The following DLG2 variants were observed in gnomAD, a reference collection of about 807,000 sequenced individuals.
DLG2 encodes discs large MAGUK scaffold protein 2.
In DLG2, 45 loss-of-function variants were observed where a neutral mutation model predicts 132.5. The ratio of observed to expected loss-of-function variants is 0.34; its 90% confidence interval spans 0.27 to 0.44. DLG2 has a LOEUF of 0.44. DLG2 is among the 20% of genes least tolerant of loss of function. The pLI, the probability that DLG2 is intolerant of heterozygous loss-of-function variation, is 1.00. For synonymous variants in DLG2, 424 were observed against 419.6 expected, an observed-to-expected ratio of 1.01 and a Z score of -0.13; for missense variants, 1,045 against 1,196.9, an observed-to-expected ratio of 0.87 and a Z score of 1.87.
At chr11:83,554,810 A>G (rs2096482910) in intron 19 of DLG2, among the ~76,000 whole-genome samples, 1 of 152,200 alleles carries the variant, frequency 6.6e-6, no homozygotes, top group African/African-American at 2.4e-5. Flanking sequence ...CTGCTCTGAA[A>G]ATAGTCAATA....
At chr11:85,541,002 A>G (rs1479004715) in intron 3 of DLG2, among the ~76,000 whole-genome samples, 9 of 152,246 alleles carry the variant, frequency 5.9e-5, no homozygotes, top group Admixed American at 5.9e-4. Flanking sequence ...TCCCTGGAAC[A>G]CTTCCCAGGA....
chr11:84,440,717 G>A (rs1278801729), intron 7 of DLG2, among the ~76,000 whole-genome samples: 2 of 152,100 alleles, frequency 1.3e-5, no homozygotes, highest in African/African-American at 2.4e-5. Context: ...AAACCTACCA[G>A]TGCAGCTGAG....
intron 15 of DLG2, among the ~76,000 whole-genome samples, chr11:83,925,855 C>T (rs2078878066): frequency 6.6e-6 from 1 of 152,072 alleles, no homozygotes; most frequent in South Asian, 2.1e-4. Flanking sequence ...AGCTGAAAAA[C>T]TTACTCTCCC....
intron 6 of DLG2, among the ~76,000 whole-genome samples, chr11:84,774,724 A>G (rs975157963): frequency 6.6e-6 from 1 of 152,168 alleles, no homozygotes; most frequent in Non-Finnish European, 1.5e-5. Flanking sequence ...TGGTGCTGAG[A>G]TACTTGCTAT....
chr11:85,074,018 T>A (rs187991185), intron 6 of DLG2, among the ~76,000 whole-genome samples: 1 of 151,952 alleles, frequency 6.6e-6, no homozygotes, highest in Non-Finnish European at 1.5e-5. Context: ...TACTTCAGGT[T>A]CTCACAAGTG....
At chr11:84,399,018 T>C (rs1432219052) in intron 7 of DLG2, among the ~76,000 whole-genome samples, 1 of 152,182 alleles carries the variant, frequency 6.6e-6, no homozygotes, top group African/African-American at 2.4e-5. Flanking sequence ...GCATAGTATA[T>C]ATAAGAAAAT....
chr11:84,492,454 C>T (rs1028921983), intron 7 of DLG2, among the ~76,000 whole-genome samples: 3 of 152,072 alleles, frequency 2.0e-5, no homozygotes, highest in East Asian at 1.9e-4. Flanking sequence ...TAAAGTAGCA[C>T]AATTAAGGAC....
At chr11:84,166,912 AT>A (rs746722890) in intron 8 of DLG2, 17 of 532,202 alleles carry the variant, frequency 3.2e-5, no homozygotes, top group Admixed American at 1.2e-4. Flanking sequence ...GGCCGAATAC[AT>A]TTTTTTTCTT....
At chr11:85,507,025 G>T (rs2093951504) in intron 3 of DLG2, among the ~76,000 whole-genome samples, 1 of 152,080 alleles carries the variant, frequency 6.6e-6, no homozygotes, top group South Asian at 2.1e-4. Flanking sequence ...ATCAGACTGG[G>T]ATTGTAACCC....
chr11:84,427,267 G>C (rs937194111), intron 7 of DLG2, among the ~76,000 whole-genome samples: 45 of 152,196 alleles, frequency 3.0e-4, no homozygotes, highest in African/African-American at 1.1e-3. Context: ...AGGGAGGAAA[G>C]AAAGGAGGTA....
chr11:84,159,004 G>T (rs2095489793), intron 9 of DLG2, among the ~76,000 whole-genome samples: 1 of 152,176 alleles, frequency 6.6e-6, no homozygotes, highest in Non-Finnish European at 1.5e-5. Context: ...GGCAACTGAG[G>T]TACAGAGAGG....
intron 7 of DLG2, among the ~76,000 whole-genome samples, chr11:84,312,941 C>A (rs947680735): frequency 6.6e-6 from 1 of 151,942 alleles, no homozygotes; most frequent in Non-Finnish European, 1.5e-5. Flanking sequence ...TCCCCAGTAG[C>A]TGGGACTACA....
intron 3 of DLG2, among the ~76,000 whole-genome samples, chr11:85,537,846 G>A (rs1273465583): frequency 1.3e-5 from 2 of 152,012 alleles, no homozygotes; most frequent in Non-Finnish European, 2.9e-5. Context: ...GCCAGGCGTG[G>A]TGGCTCAAGC....
intron 8 of DLG2, among the ~76,000 whole-genome samples, chr11:84,197,385 A>G (rs954059130): frequency 4.6e-5 from 7 of 152,230 alleles, no homozygotes; most frequent in African/African-American, 1.7e-4. Context: ...TGATGATAGC[A>G]TAGTTAAAAC....
intron 21 of DLG2, among the ~76,000 whole-genome samples, chr11:83,514,013 C>T (rs1565574193): frequency 6.6e-6 from 1 of 152,114 alleles, no homozygotes; most frequent in Admixed American, 6.6e-5. Flanking sequence ...GCAATGCGGG[C>T]TCTTTTTTGG....
At chr11:85,407,925 T>A (rs1053866360) in intron 3 of DLG2, among the ~76,000 whole-genome samples, 3 of 151,654 alleles carry the variant, frequency 2.0e-5, no homozygotes, top group Non-Finnish European at 4.4e-5. Flanking sequence ...CACATATGGC[T>A]GTTGGAAGTC....
chr11:84,047,422 T>G (rs776097121), intron 11 of DLG2, among the ~76,000 whole-genome samples: 5 of 151,624 alleles, frequency 3.3e-5, no homozygotes, highest in Admixed American at 6.6e-5. Context: ...CAAATCCCAG[T>G]CTTTTCATCA....
At chr11:84,449,531 T>G (rs1454688264) in intron 7 of DLG2, among the ~76,000 whole-genome samples, 1 of 151,788 alleles carries the variant, frequency 6.6e-6, no homozygotes, top group East Asian at 1.9e-4. Flanking sequence ...TTAGTTGTAT[T>G]CTATATGTCA....
At chr11:84,360,292 T>A (rs554678416) in intron 7 of DLG2, among the ~76,000 whole-genome samples, 1 of 151,792 alleles carries the variant, frequency 6.6e-6, no homozygotes, top group Non-Finnish European at 1.5e-5. Flanking sequence ...AAGAAGACAA[T>A]CAAGGGAATA....
Sources: gnomAD v4.1 joint callset for allele counts (sites outside exome capture counted in the v4.1 genomes callset) on GRCh38, gnomAD v4.1.1 for gene constraint, MANE v1.5 for transcripts, NCBI Gene and HGNC (gene_info 2026-07-23, HGNC 2026-07-21) for gene names.